ST8SIA2: variants seen among roughly 807,000 people sequenced by gnomAD.
The protein encoded by ST8SIA2 is ST8 alpha-N-acetyl-neuraminide alpha-2,8-sialyltransferase 2, also known as alpha-2,8-sialyltransferase 8B.
ST8SIA2 carries 22 observed loss-of-function variants against 37.6 expected under a neutral mutation model. The ratio of observed to expected loss-of-function variants is 0.58; its 90% CI spans 0.42 to 0.83. The LOEUF is 0.83. Ranked by LOEUF, ST8SIA2 falls within the 40% of genes least tolerant of loss-of-function variation. The pLI, the probability that ST8SIA2 is intolerant of heterozygous loss-of-function variation, is 0.00. For missense variants in ST8SIA2, 382 were observed against 484.7 expected (o/e 0.79, Z 1.99); for synonymous variants, 205 against 201.2 (o/e 1.02, Z -0.16).
intron 4 of ST8SIA2, 98 bp from the exon 5 acceptor site, chr15:92,444,538 G>A: frequency 4.0e-6 from 6 of 1,484,180 alleles, no homozygotes; most frequent in Admixed American, 1.7e-5. Flanking sequence ...GTTTGGGGAT[G>A]AGAAAGAAGC....
intron 1 of ST8SIA2, among the ~76,000 whole-genome samples, chr15:92,401,330 G>A (rs1284005947): frequency 6.6e-6 from 1 of 152,200 alleles, no homozygotes; most frequent in Non-Finnish European, 1.5e-5. Flanking sequence ...TGGTCCTTAA[G>A]CGTTGAGATT....
intron 5 of ST8SIA2, among the ~76,000 whole-genome samples, chr15:92,460,205 T>A (rs2141851800): frequency 6.6e-6 from 1 of 152,350 alleles, no homozygotes; most frequent in African/African-American, 2.4e-5. Context: ...TGGGTCCTTT[T>A]GGCAGAACCA....
intron 1 of ST8SIA2, chr15:92,422,157 C>G (rs1356144945): frequency 6.6e-6 from 1 of 152,168 alleles, no homozygotes; most frequent in Non-Finnish European, 1.5e-5. Flanking sequence ...ATACAGAACA[C>G]TGGAGCTGCT....
At chr15:92,420,002 A>G (rs917810256) in intron 1 of ST8SIA2, among the ~76,000 whole-genome samples, 1 of 152,138 alleles carries the variant, frequency 6.6e-6, no homozygotes, top group African/African-American at 2.4e-5. Context: ...AGTAGCTAGG[A>G]TTACAGGCGT....
intron 1 of ST8SIA2, among the ~76,000 whole-genome samples, chr15:92,403,071 C>G (rs2049483361): frequency 1.3e-5 from 2 of 152,236 alleles, no homozygotes; most frequent in South Asian, 4.2e-4. Flanking sequence ...GGAGATAGCA[C>G]ATCCCAAGGA....
At chr15:92,430,990 G>A (rs1209290039) in intron 2 of ST8SIA2, among the ~76,000 whole-genome samples, 1 of 152,070 alleles carries the variant, frequency 6.6e-6, no homozygotes, top group Non-Finnish European at 1.5e-5. Flanking sequence ...ATCTGTCCCT[G>A]ACCCTGCATG....
At chr15:92,415,563 C>T (rs978062151) in intron 1 of ST8SIA2, among the ~76,000 whole-genome samples, 1 of 151,466 alleles carries the variant, frequency 6.6e-6, no homozygotes, top group Non-Finnish European at 1.5e-5. Context: ...GCATATACAC[C>T]CCCCACCCCG....
chr15:92,455,471 C>T (rs2049913632), intron 5 of ST8SIA2, among the ~76,000 whole-genome samples: 1 of 152,218 alleles, frequency 6.6e-6, no homozygotes. Context: ...TCCTCCTCCA[C>T]AGAAGCAAGC....
chr15:92,407,154 A>C (rs932266847), intron 1 of ST8SIA2, among the ~76,000 whole-genome samples: 3 of 152,220 alleles, frequency 2.0e-5, no homozygotes, highest in African/African-American at 7.2e-5. Context: ...CATTTTACGG[A>C]CAAGTAAACT....
intron 1 of ST8SIA2, among the ~76,000 whole-genome samples, chr15:92,398,031 G>A (rs1447853146): frequency 6.6e-6 from 1 of 152,190 alleles, no homozygotes; most frequent in Admixed American, 6.5e-5. Flanking sequence ...TACTCGGGAG[G>A]CTGAGGCAGG....
intron 3 of ST8SIA2, among the ~76,000 whole-genome samples, chr15:92,436,195 G>A (rs2049757069): frequency 6.6e-6 from 1 of 152,152 alleles, no homozygotes; most frequent in African/African-American, 2.4e-5. Flanking sequence ...CACATTCACA[G>A]GTTCCAGGGG....
At chr15:92,432,667 C>T (rs1178442404) in intron 2 of ST8SIA2, among the ~76,000 whole-genome samples, 1 of 152,174 alleles carries the variant, frequency 6.6e-6, no homozygotes, top group African/African-American at 2.4e-5. Context: ...GTTCCTCTGC[C>T]TTACTCAAAA....
chr15:92,436,158 C>T (rs772486826), intron 3 of ST8SIA2, among the ~76,000 whole-genome samples: 13 of 152,162 alleles, frequency 8.5e-5, no homozygotes, highest in South Asian at 2.1e-4. Flanking sequence ...TAATTACATC[C>T]GCAAAGATGT....
intron 1 of ST8SIA2, chr15:92,422,616 A>T (rs1793301450): frequency 6.6e-6 from 1 of 152,630 alleles, no homozygotes; most frequent in Non-Finnish European, 1.5e-5. Context: ...GTGACTGAAG[A>T]TTCTTGCATT....
At chr15:92,408,677 TTTTA>T (rs58508323) in intron 1 of ST8SIA2, among the ~76,000 whole-genome samples, 4,776 of 122,986 alleles carry the variant, frequency 0.039, 99 homozygotes, top group Middle Eastern at 0.096. Flanking sequence ...GTTCCATTTT[TTTTA>T]TTTATTTATT....
At chr15:92,419,097 C>T (rs763721795) in intron 1 of ST8SIA2, among the ~76,000 whole-genome samples, 4 of 152,082 alleles carry the variant, frequency 2.6e-5, no homozygotes, top group Non-Finnish European at 4.4e-5. Context: ...GGAACCAGAC[C>T]CAGGGAGCCC....
intron 3 of ST8SIA2, among the ~76,000 whole-genome samples, chr15:92,435,140 C>A (rs1181446974): frequency 6.6e-6 from 1 of 152,152 alleles, no homozygotes; most frequent in Non-Finnish European, 1.5e-5. Context: ...GGAGTGCTAG[C>A]ATGAATCAGA....
chr15:92,463,809 G>A (rs1280107707), intron 5 of ST8SIA2, among the ~76,000 whole-genome samples: 1 of 152,216 alleles, frequency 6.6e-6, no homozygotes, highest in Non-Finnish European at 1.5e-5. Context: ...AGGTAACCTT[G>A]GGCAAGCCAT....
At chr15:92,410,912 T>C (rs771858780) in intron 1 of ST8SIA2, among the ~76,000 whole-genome samples, 1 of 152,048 alleles carries the variant, frequency 6.6e-6, no homozygotes, top group Non-Finnish European at 1.5e-5. Context: ...GTGACCTAGA[T>C]GGAGAGAATG....
Sources: allele counts gnomAD v4.1 joint callset (sites outside exome capture counted in the v4.1 genomes callset), GRCh38; gene constraint gnomAD v4.1.1; transcripts MANE v1.5; gene names NCBI Gene and HGNC (gene_info 2026-07-23, HGNC 2026-07-21).